Variants in SHC4 observed in about 807,000 individuals in gnomAD.
SHC4 encodes SHC adaptor protein 4, also known as SHC-transforming protein 4.
A neutral mutation model predicts 69.4 loss-of-function variants in SHC4; 41 were observed. That is an observed-to-expected ratio of 0.59 (90% confidence interval 0.46 to 0.77). The LOEUF (loss-of-function observed/expected upper bound fraction) is 0.77, where lower values mean the gene tolerates loss of function less well. SHC4 is among the 30% of genes least tolerant of loss of function. The probability of loss-of-function intolerance (pLI) is 0.00; values close to 1 mark genes in which losing one functional copy is unlikely to be tolerated. For synonymous variants in SHC4, 318 were observed against 299.3 expected (o/e 1.06, Z -0.64); for missense variants, 777 against 783.8 (o/e 0.99, Z 0.10).
intron 2 of SHC4, among the ~76,000 whole-genome samples, chr15:48,908,501 G>A (rs1389099996): frequency 1.3e-5 from 2 of 152,168 alleles, no homozygotes; most frequent in African/African-American, 4.8e-5. Flanking sequence ...TCTGTGGGTT[G>A]TCTGTTTACT....
intron 2 of SHC4, among the ~76,000 whole-genome samples, chr15:48,897,166 A>T (rs560219693): frequency 3.3e-5 from 5 of 152,168 alleles, no homozygotes; most frequent in Non-Finnish European, 5.9e-5. Context: ...TTCAGTGGCT[A>T]AAGATTTCCA....
Position 48,851,233 on chromosome 15 carries a change from A to G in SHC4, c.1258T>C (p.Cys420Arg). 6.2e-7 allele frequency: 1 copy of G among 1,614,130 alleles called. No homozygotes were observed. The highest frequency in any genetic ancestry group is 2.2e-5 in the East Asian group (1 of 44,876). ...KLCYLPGNSK[C>R]SSVYENCLEQ... ...AAACAGTTCTCATATACACTGCTGC[A>G]CTTGGAGTTTCCAGGCTGCATGAAC... Residue 420 changes from cysteine to arginine, a missense_variant, in exon 9 of 12, where the codon TGC (cysteine) becomes CGC (arginine). Coordinates refer to ENST00000332408, the MANE Select transcript of SHC4 (RefSeq NM_203349.4).
At chr15:48,961,849 C>A (rs1365314160) in intron 1 of SHC4, among the ~76,000 whole-genome samples, 1 of 152,158 alleles carries the variant, frequency 6.6e-6, no homozygotes, top group African/African-American at 2.4e-5. Flanking sequence ...CTTGCTGCAG[C>A]GTAGGCAGTA....
At chr15:48,854,357 C>T (rs1266213376) in intron 8 of SHC4, among the ~76,000 whole-genome samples, 3 of 152,206 alleles carry the variant, frequency 2.0e-5, no homozygotes, top group African/African-American at 7.2e-5. Flanking sequence ...TGCTCATACA[C>T]TGTTGGTAGG....
intron 1 of SHC4, among the ~76,000 whole-genome samples, chr15:48,960,879 T>A (rs1162039668): frequency 6.6e-6 from 1 of 151,616 alleles, no homozygotes; most frequent in Non-Finnish European, 1.5e-5. Context: ...ATTTGAAAGT[T>A]TTTTTTTCAC....
At position 48,876,442 on chromosome 15, in the gene SHC4, CAT is replaced by C. The variant is rs1023897597; in HGVS notation, c.841-4302_841-4301del. On this transcript the variant is annotated intron_variant, in intron 4 of 11. Transcript: ENST00000332408. ...AAGCACAGAACTAATGGAATATATA[CAT>C]ATATATATACACACACACACACACG... 3.0e-4 allele frequency: 97 copies of C among 319,914 alleles called. No homozygotes were observed. The South Asian group carries it at 6.8e-3, about 22-fold the overall frequency. The allele number at this position is 319,914 out of a possible 1,614,324, so 19.8% of individuals were successfully genotyped here.
chr15:48,934,730 G>T (rs149819970), intron 1 of SHC4, among the ~76,000 whole-genome samples: 132 of 152,206 alleles, frequency 8.7e-4, no homozygotes, highest in Middle Eastern at 6.8e-3. Flanking sequence ...ACAAATAAAA[G>T]GTAGTATGTC....
In SHC4 at chr15:48,855,866, T is replaced by C. The variant is rs1238530711; in HGVS notation, c.1242+87A>G. ...GAGGAAGACAGGACTTTCTCTAAAC[T>C]AGCATTTGGAAATCCTCAAAGTAAA... On this transcript the variant is annotated intron_variant, in intron 8 of 11. Coordinates refer to ENST00000332408, the MANE Select transcript of SHC4 (RefSeq NM_203349.4). 6.5e-6 allele frequency: 9 copies of C among 1,377,710 alleles called. No individual in the cohort carries two copies. In the Admixed American group the frequency reaches 1.8e-4, roughly 28 times the overall value. 85.3% of individuals were successfully genotyped at this position (1,377,710 alleles called of 1,614,324 possible).
chr15:48,849,066 T>C (rs749318599), intron 9 of SHC4, among the ~76,000 whole-genome samples: 11 of 151,866 alleles, frequency 7.2e-5, no homozygotes, highest in Non-Finnish European at 1.2e-4. Context: ...GGAAGGGAGG[T>C]ATTTGGGCAG....
At chr15:48,904,724 C>CA (rs1029951847) in intron 2 of SHC4, among the ~76,000 whole-genome samples, 3 of 150,392 alleles carry the variant, frequency 2.0e-5, no homozygotes, top group African/African-American at 2.4e-5. Flanking sequence ...CACACACACA[C>CA]AAAAAAATGT....
chr15:48,850,199 T>A (rs1166672916), intron 9 of SHC4, among the ~76,000 whole-genome samples: 36 of 151,784 alleles, frequency 2.4e-4, no homozygotes, highest in Admixed American at 2.0e-4. Flanking sequence ...TGAGCCTTTG[T>A]CTGAAATAAA....
At chr15:48,887,114 T>C (rs1211941476) in intron 3 of SHC4, among the ~76,000 whole-genome samples, 1 of 152,180 alleles carries the variant, frequency 6.6e-6, no homozygotes, top group Non-Finnish European at 1.5e-5. Context: ...TCAAAACTCA[T>C]GGGAGATCAC....
chr15:48,826,364 G>A (rs779218478), intron 11 of SHC4, among the ~76,000 whole-genome samples: 3 of 151,352 alleles, frequency 2.0e-5, no homozygotes, highest in Non-Finnish European at 4.4e-5. Flanking sequence ...CAATTCTAGT[G>A]CTTCAGCCCG....
chr15:48,959,571 T>C (rs921743199), intron 1 of SHC4, among the ~76,000 whole-genome samples: 35 of 152,184 alleles, frequency 2.3e-4, no homozygotes, highest in African/African-American at 8.2e-4. Context: ...TCCTGTAAAC[T>C]TTGCCCCTAA....
At chr15:48,944,925 T>A (rs1901247785) in intron 1 of SHC4, among the ~76,000 whole-genome samples, 1 of 152,204 alleles carries the variant, frequency 6.6e-6, no homozygotes, top group Non-Finnish European at 1.5e-5. Context: ...ACCTAACAAC[T>A]TCAAATGTCC....
chr15:48,952,064 T>C (rs1227210897), intron 1 of SHC4, among the ~76,000 whole-genome samples: 1 of 152,136 alleles, frequency 6.6e-6, no homozygotes, highest in Non-Finnish European at 1.5e-5. Flanking sequence ...TAGTCTAACC[T>C]ATCAGATGAG....
chr15:48,892,535 A>G (rs1227192111), intron 2 of SHC4, among the ~76,000 whole-genome samples: 2 of 152,116 alleles, frequency 1.3e-5, no homozygotes, highest in African/African-American at 4.8e-5. Flanking sequence ...CATCTTAATG[A>G]CTACTCAATA....
intron 10 of SHC4, among the ~76,000 whole-genome samples, chr15:48,842,695 G>A (rs143321045): frequency 4.0e-4 from 61 of 152,298 alleles, no homozygotes; most frequent in African/African-American, 1.4e-3. Flanking sequence ...TTGAGAGGCC[G>A]AGGCAGGCAG....
chr15:48,900,397 C>T (rs1359152036), intron 2 of SHC4, among the ~76,000 whole-genome samples: 2 of 151,718 alleles, frequency 1.3e-5, no homozygotes, highest in Admixed American at 1.3e-4. Flanking sequence ...GTCCTAGCTA[C>T]TTGGGAGGCT....
Sources: allele counts gnomAD v4.1 joint callset (sites outside exome capture counted in the v4.1 genomes callset), GRCh38; gene constraint gnomAD v4.1.1; transcripts MANE v1.5; gene names NCBI Gene and HGNC (gene_info 2026-07-23, HGNC 2026-07-21).